Variants in DZANK1 observed in about 807,000 individuals in gnomAD.
DZANK1 encodes the protein double zinc ribbon and ankyrin repeat-containing protein 1.
DZANK1 carries 91 observed loss-of-function variants against 94.5 expected under a neutral mutation model. The observed-to-expected ratio is 0.96, with a 90% confidence interval of 0.81 to 1.15. The LOEUF is 1.15. Among genes scored for constraint, DZANK1 ranks in the 50% most tolerant of loss-of-function variants. The pLI is 0.00. For missense variants in DZANK1, 903 were observed against 916.4 expected, an observed-to-expected ratio of 0.99 and a Z score of 0.19; for synonymous variants, 312 against 325.3, an observed-to-expected ratio of 0.96 and a Z score of 0.44.
intron 8 of DZANK1, among the ~76,000 whole-genome samples, chr20:18,439,767 G>A (rs2058662379): frequency 6.6e-6 from 1 of 152,128 alleles, no homozygotes; most frequent in Non-Finnish European, 1.5e-5. Flanking sequence ...GGGCCTTCTT[G>A]TGAAACATAG....
At chr20:18,417,781 A>T (rs963792682) in intron 10 of DZANK1, among the ~76,000 whole-genome samples, 3 of 152,168 alleles carry the variant, frequency 2.0e-5, no homozygotes, top group Non-Finnish European at 4.4e-5. Context: ...CACAAAAAAC[A>T]ACTATAAAAT....
chr20:18,389,770 A>G (rs767640361), exon 19 of DZANK1: 15 of 1,613,874 alleles, frequency 9.3e-6, no homozygotes, highest in East Asian at 2.2e-5. Flanking sequence ...GTGCTTATTC[A>G]TAACAGCCAC....
At chr20:18,452,667 A>T in exon 6 of DZANK1, 1 of 1,606,802 alleles carries the variant, frequency 6.2e-7, no homozygotes, top group Non-Finnish European at 8.5e-7. Flanking sequence ...ATAAGCTGGG[A>T]TTTCCAATGG....
chr20:18,402,046 C>T lies in DZANK1; in HGVS notation c.1433-3420G>A, dbSNP rs140099089. Among the ~76,000 whole-genome samples, 366 of 152,294 alleles carry T rather than the reference C, an allele frequency of 2.4e-3. 4 individuals are homozygous for T. Among genetic ancestry groups the T allele is most frequent in the Admixed American group, 0.02 (306 of 15,300 alleles). ...ACTGTGGGCTGGGTTTTGACTCCCA[C>T]TAAGGACATCCAGAGGGCAAAGAAG... On this transcript the variant is annotated intron_variant, in intron 13 of 20. Coordinates refer to ENST00000262547, the Ensembl canonical transcript of DZANK1.
chr20:18,403,733 G>C (rs60422264), intron 13 of DZANK1, among the ~76,000 whole-genome samples: 1,193 of 8,124 alleles, frequency 0.15, 14 homozygotes, highest in African/African-American at 0.19. Flanking sequence ...CCCATGGGTT[G>C]GACATGTGAC....
Sources: gnomAD v4.1 joint callset for allele counts (sites outside exome capture counted in the v4.1 genomes callset) on GRCh38, gnomAD v4.1.1 for gene constraint, MANE v1.5 for transcripts, NCBI Gene and HGNC (gene_info 2026-07-23, HGNC 2026-07-21) for gene names.